The following IL9R variants were observed in gnomAD, a reference collection of about 807,000 sequenced individuals.
The protein encoded by IL9R is interleukin 9 receptor.
In IL9R, 54 loss-of-function variants were observed where a neutral mutation model predicts 56.3. The observed-to-expected ratio is 0.96, with a 90% confidence interval of 0.77 to 1.20. The LOEUF (loss-of-function observed/expected upper bound fraction) is 1.20, where lower values mean the gene tolerates loss of function less well. IL9R is among the 50% of genes most tolerant of loss of function. The pLI, the probability that IL9R is intolerant of heterozygous loss-of-function variation, is 0.00. For synonymous variants in IL9R, 212 were observed against 250.2 expected (o/e 0.85, Z 1.44); for missense variants, 545 against 629.8 (o/e 0.87, Z 1.44).
At chrX:156,006,569 G>A (rs772519494) in intron 7 of IL9R, among the ~76,000 whole-genome samples, 133 of 148,900 alleles carry the variant, frequency 8.9e-4, no homozygotes, top group Non-Finnish European at 9.3e-4. Context: ...CATGTTCTAC[G>A]AAAGGACAGT....
At chrX:156,001,144 G>C (rs3093482) in intron 1 of IL9R, among the ~76,000 whole-genome samples, 4,031 of 152,154 alleles carry the variant, frequency 0.026, 164 homozygotes, top group African/African-American at 0.09. Context: ...GTCTAGAAAC[G>C]AGGCCTGCTG....
At chrX:156,005,257 T>C in intron 5 of IL9R, 21 bp from the exon 6 acceptor site, 2 of 1,610,222 alleles carry the variant, frequency 1.2e-6, no homozygotes, top group Non-Finnish European at 1.7e-6. Flanking sequence ...CACCACCTGC[T>C]AACTGTCCCC....
At chrX:156,002,331 C>T (rs2067588171) in intron 1 of IL9R, among the ~76,000 whole-genome samples, 1 of 152,060 alleles carries the variant, frequency 6.6e-6, no homozygotes, top group African/African-American at 2.4e-5. Flanking sequence ...GCCTGGGTGA[C>T]AGAGGGAGAC....
intron 7 of IL9R, among the ~76,000 whole-genome samples, chrX:156,006,792 G>A (rs925272925): frequency 6.6e-6 from 1 of 151,626 alleles, no homozygotes; most frequent in African/African-American, 2.4e-5. Context: ...TGGAGCAAAG[G>A]AAAGTGTAAA....
chrX:156,006,466 G>A (rs1218662062), intron 7 of IL9R, among the ~76,000 whole-genome samples: 1 of 150,158 alleles, frequency 6.7e-6, no homozygotes, highest in Non-Finnish European at 1.5e-5. Context: ...GATAAGGGCA[G>A]CTTGGTCCCG....
At position 155,997,819 on chromosome X, in the gene IL9R, C is replaced by G; in HGVS notation, c.28+32C>G. On this transcript the variant is annotated intron_variant, in intron 1 of 8. Coordinates refer to ENST00000244174, the MANE Select transcript of IL9R (RefSeq NM_002186.3). ...CTGTGCTTTGGGCTTCCCAACCTCTCAAGTCAGCATGAAATTCAGAAGGCA... is the reference window on the plus strand; with the variant it reads ...CTGTGCTTTGGGCTTCCCAACCTCTGAAGTCAGCATGAAATTCAGAAGGCA... 3 of 1,601,614 alleles carry G rather than the reference C, an allele frequency of 1.9e-6. No homozygotes were observed. The South Asian group carries it at 3.3e-5, about 18-fold the overall frequency.
chrX:156,006,106 T>A lies in IL9R; in HGVS notation c.805T>A (p.Trp269Arg). ...RQGPLIPPWGWPGNTLVAVSI... is the reference protein window; with the variant it reads ...RQGPLIPPWGRPGNTLVAVSI... Reference sequence around the variant, plus strand: ...AGGCCCTCTGATCCCACCCTGGGGGTGGCCAGGCAACACCCTTGTTGCTGT... The same window carrying A: ...AGGCCCTCTGATCCCACCCTGGGGGAGGCCAGGCAACACCCTTGTTGCTGT... Residue 269 changes from tryptophan (W) to arginine (R), a missense_variant, in exon 7 of 9, where the codon TGG becomes AGG. Coordinates refer to ENST00000244174, the MANE Select transcript of IL9R (RefSeq NM_002186.3). 6.2e-7 allele frequency: 1 copy of A among 1,600,636 alleles called. No individual in the cohort carries two copies. Among genetic ancestry groups the A allele is most frequent in the Non-Finnish European group, 8.5e-7 (1 of 1,169,864 alleles).
rs1436555178 is a variant in IL9R, at chrX:156,004,536, G to A, written c.550G>A (p.Ala184Thr). 27 of 1,613,008 alleles carry A rather than the reference G, an allele frequency of 1.7e-5. No individual in the cohort carries two copies. Among genetic ancestry groups the A allele is most frequent in the Middle Eastern group, 1.9e-4 (1 of 5,392 alleles). ...PMTTLLSYEL[A>T]FKKQEEAWEQ... ...GACCACACTTCTCAGCTATGAGCTG[G>A]CCTTCAAGAAGCAGGAAGAGGCCTG... Residue 184 changes from alanine (A) to threonine (T), a missense_variant, in exon 5 of 9, where the codon GCC becomes ACC. Physicochemically the swap from Ala to Thr is moderately conservative, Grantham distance 58 (BLOSUM62 0). Coordinates refer to ENST00000244174, the MANE Select transcript of IL9R (RefSeq NM_002186.3).
At chrX:156,006,787 C>G (rs1250798476) in intron 7 of IL9R, among the ~76,000 whole-genome samples, 1 of 151,406 alleles carries the variant, frequency 6.6e-6, no homozygotes, top group African/African-American at 2.4e-5. Context: ...CTCCTTGGAG[C>G]AAAGGAAAGT....
chrX:156,001,616 G>GC (rs1387197619), intron 1 of IL9R: 1 of 653,160 alleles, frequency 1.5e-6, no homozygotes, highest in Admixed American at 2.5e-5. Context: ...GCTGCCCATT[G>GC]GTTTGTGCGG....
chrX:156,003,383 C>G, intron 2 of IL9R, 66 bp from the exon 3 acceptor site: 1 of 1,150,408 alleles, frequency 8.7e-7, no homozygotes, highest in Non-Finnish European at 1.3e-6. Context: ...CAGATCCTCC[C>G]CAACCCCCGA....
chrX:155,999,894 A>G (rs1451009915), intron 1 of IL9R, among the ~76,000 whole-genome samples: 1 of 152,206 alleles, frequency 6.6e-6, no homozygotes, highest in African/African-American at 2.4e-5. Context: ...GGGAGGCCAA[A>G]GCAGGTGAAT....
At chrX:155,999,928 C>A (rs190489697) in intron 1 of IL9R, among the ~76,000 whole-genome samples, 2 of 152,106 alleles carry the variant, frequency 1.3e-5, no homozygotes, top group East Asian at 3.9e-4. Context: ...GAGTACGAGA[C>A]CAGCCTGACA....
Position 156,004,636 on chromosome X carries a change from C to G in IL9R, c.579+71C>G, listed in dbSNP as rs188489641. On this transcript the variant is annotated intron_variant, in intron 5 of 8. Transcript: ENST00000244174. ...AGCAGTCCAGGGTAGACTCCCCACT[C>G]TACATAGGGAGATGTCAACTTGTAG... 123 of 1,462,362 alleles carry G rather than the reference C, an allele frequency of 8.4e-5. No homozygotes were observed. In the African/African-American group the frequency reaches 1.5e-3, roughly 17 times the overall value. The allele number at this position is 1,462,362 out of a possible 1,614,324, so 90.6% of individuals were successfully genotyped here.
At chrX:156,003,395 C>G in intron 2 of IL9R, 54 bp from the exon 3 acceptor site, 1 of 1,283,938 alleles carries the variant, frequency 7.8e-7, no homozygotes, top group Non-Finnish European at 1.1e-6. Context: ...AACCCCCGAG[C>G]TCAGCTCTGG....
chrX:156,003,073 T>C, intron 2 of IL9R, 54 bp downstream of exon 2: 1 of 1,608,838 alleles, frequency 6.2e-7, no homozygotes, highest in Non-Finnish European at 8.5e-7. Context: ...TAGGGCATGT[T>C]TGGGGGACTG....
At position 156,009,385 on chromosome X, in the gene IL9R, T is replaced by TTG. The variant is rs746512161; in HGVS notation, c.973-417_973-416dup. On this transcript the variant is annotated intron_variant, in intron 8 of 8. Transcript: ENST00000244174. ...TGTGTCTGTGTGTATCTGTGTGTGTTTGTGTGTGTGTGTGTCTCTGTGTGT... is the reference window on the plus strand; with the variant it reads ...TGTGTCTGTGTGTATCTGTGTGTGTTTGTGTGTGTGTGTGTGTCTCTGTGTGT... 2.2e-4 allele frequency among the ~76,000 whole-genome samples: 31 copies of TTG among 139,550 alleles called. No homozygotes were observed. In the East Asian group the frequency reaches 2.4e-3, roughly 11 times the overall value. 91.6% of individuals were successfully genotyped at this position (139,550 alleles called of 152,430 possible). A position where few individuals can be genotyped will look rare whatever the true frequency, so the allele number is the denominator to read the frequency against.
Position 156,001,424 on chromosome X carries a change from G to C in IL9R, c.29-1482G>C. On this transcript the variant is annotated intron_variant, in intron 1 of 8. Transcript: ENST00000244174. ...CCTTTCCAGTAACTGCTGCAAGAAC[G>C]GACAGACACTGCTGCAGAGAACTTG... The C allele has an allele frequency of 3.7e-6, 6 of 1,610,048 alleles. No homozygotes were observed. The East Asian group carries it at 8.9e-5, about 24-fold the overall frequency.
intron 7 of IL9R, among the ~76,000 whole-genome samples, 186 bp from the exon 8 acceptor site, chrX:156,007,337 C>T (rs1001055953): frequency 1.3e-5 from 2 of 150,178 alleles, no homozygotes; most frequent in African/African-American, 4.9e-5. Context: ...TCTATGCGGC[C>T]GTTAGGCAAG....
Sources: gnomAD v4.1 joint callset for allele counts (sites outside exome capture counted in the v4.1 genomes callset) on GRCh38, gnomAD v4.1.1 for gene constraint, MANE v1.5 for transcripts, NCBI Gene and HGNC (gene_info 2026-07-23, HGNC 2026-07-21) for gene names.